Variants in IFT57 observed in about 807,000 individuals in gnomAD.
IFT57 encodes the protein intraflagellar transport 57.
IFT57 carries 59 observed loss-of-function variants against 56.8 expected under a neutral mutation model. The ratio of observed to expected loss-of-function variants is 1.04; its 90% CI spans 0.84 to 1.29. IFT57 has a LOEUF of 1.29. Ranked by LOEUF, IFT57 falls within the 50% of genes most tolerant of loss-of-function variation. IFT57 has a pLI of 0.00. For missense variants in IFT57, 470 were observed against 522.1 expected (o/e 0.90, Z 0.97); for synonymous variants, 209 against 186.1 (o/e 1.12, Z -1.00).
intron 6 of IFT57, among the ~76,000 whole-genome samples, chr3:108,189,056 A>C (rs2080200543): frequency 6.6e-6 from 1 of 152,214 alleles, no homozygotes; most frequent in African/African-American, 2.4e-5. Flanking sequence ...AATTTTATGA[A>C]AAGAATTTGT....
chr3:108,214,062 T>C, intron 3 of IFT57, 41 bp from the exon 4 acceptor site: 1 of 1,229,666 alleles, frequency 8.1e-7, no homozygotes, highest in South Asian at 1.3e-5. Flanking sequence ...AATTTTAATA[T>C]TTAGTAAGAC....
At position 108,222,264 on chromosome 3, in the gene IFT57, G is replaced by A. The variant is rs1378977371; in HGVS notation, c.59C>T (p.Ser20Phe). The change falls in exon 1 of 11, where the codon TCC becomes TTC. Residue 20 changes from serine to phenylalanine, a missense_variant. Physicochemically the swap from Ser to Phe is radical, Grantham distance 155 (BLOSUM62 -2). Coordinates refer to ENST00000264538, the MANE Select transcript of IFT57 (RefSeq NM_018010.4). Reference sequence around the variant, plus strand: ...CACTTCCCCGGTCCCTTCGCCACGGGACCTAGGCACCCCATCTTCCAAACC... The same window carrying A: ...CACTTCCCCGGTCCCTTCGCCACGGAACCTAGGCACCCCATCTTCCAAACC... ...TSGLEDGVPR[S>F]RGEGTGEVVL... The A allele has an allele frequency of 6.2e-7, 1 of 1,613,992 alleles. No homozygotes were observed. Among genetic ancestry groups the A allele is most frequent in the Non-Finnish European group, 8.5e-7 (1 of 1,180,012 alleles).
chr3:108,204,632 G>A (rs1399138917), intron 5 of IFT57, among the ~76,000 whole-genome samples: 1 of 152,172 alleles, frequency 6.6e-6, no homozygotes, highest in Non-Finnish European at 1.5e-5. Flanking sequence ...TCACATTTGA[G>A]GAGCACTCGG....
intron 6 of IFT57, among the ~76,000 whole-genome samples, chr3:108,180,481 AG>A (rs1326184405): frequency 6.6e-6 from 1 of 152,014 alleles, no homozygotes; most frequent in African/African-American, 2.4e-5. Context: ...TGACCCCAAT[AG>A]TACTCCCACC....
chr3:108,210,114 C>A (rs1433445488), intron 4 of IFT57, among the ~76,000 whole-genome samples: 2 of 152,022 alleles, frequency 1.3e-5, no homozygotes, highest in Non-Finnish European at 1.5e-5. Context: ...AGAAGGCACT[C>A]AAAAATTTCC....
At chr3:108,203,656 A>G (rs1377103634) in intron 5 of IFT57, among the ~76,000 whole-genome samples, 1 of 152,232 alleles carries the variant, frequency 6.6e-6, no homozygotes, top group Non-Finnish European at 1.5e-5. Context: ...AATATTATTG[A>G]TTATTGAGCA....
Position 108,219,431 on chromosome 3 carries a change from T to C in IFT57, c.354A>G (p.Ile118Met), listed in dbSNP as rs2080392503. ...YDDPNATISN[I>M]LSELRSFGRT... ...TTACAAATGACCGAAGCTCGGATAGTATGTTAGATATTGTTGCATTAGGGT... is the reference window on the plus strand; with the variant it reads ...TTACAAATGACCGAAGCTCGGATAGCATGTTAGATATTGTTGCATTAGGGT... Residue 118 changes from isoleucine to methionine, a missense_variant, in exon 2 of 11, where the codon ATA becomes ATG. By Grantham distance (10) the Ile-to-Met change is conservative. Coordinates refer to ENST00000264538, the MANE Select transcript of IFT57 (RefSeq NM_018010.4). The C allele has an allele frequency of 6.2e-7, 1 of 1,613,780 alleles. No homozygotes were observed. Among genetic ancestry groups the C allele is most frequent in the Non-Finnish European group, 8.5e-7 (1 of 1,179,712 alleles).
intron 1 of IFT57, among the ~76,000 whole-genome samples, chr3:108,219,965 C>T (rs73850836): frequency 0.014 from 2,146 of 152,286 alleles, 46 homozygotes; most frequent in African/African-American, 0.048. Flanking sequence ...AACGATTACT[C>T]ATTATGCATT....
intron 6 of IFT57, among the ~76,000 whole-genome samples, chr3:108,174,297 T>G (rs1360200654): frequency 2.0e-5 from 3 of 151,514 alleles, no homozygotes; most frequent in African/African-American, 7.3e-5. Flanking sequence ...GAAAAACTAT[T>G]AACATAACTG....
At chr3:108,210,288 A>C (rs1240600849) in intron 4 of IFT57, among the ~76,000 whole-genome samples, 1 of 150,068 alleles carries the variant, frequency 6.7e-6, no homozygotes, top group Non-Finnish European at 1.5e-5. Flanking sequence ...AAAAGTTTCT[A>C]GTTTCTAGAT....
Position 108,219,445 on chromosome 3 carries a change from T to C in IFT57, c.340A>G (p.Thr114Ala). The change falls in exon 2 of 11, where the codon ACA becomes GCA. Residue 114 changes from threonine to alanine, a missense_variant. Thr to Ala is a moderately conservative substitution (Grantham distance 58). Transcript: ENST00000264538. ...QPQEYDDPNA[T>A]ISNILSELRS... ...AGCTCGGATAGTATGTTAGATATTG[T>C]TGCATTAGGGTCATCATATTCTTGA... 2 of 1,613,942 alleles carry C rather than the reference T, an allele frequency of 1.2e-6. No homozygotes were observed. The highest frequency in any genetic ancestry group is 4.5e-5 in the East Asian group (2 of 44,878).
At chr3:108,184,646 T>A (rs1157598455) in intron 6 of IFT57, among the ~76,000 whole-genome samples, 1 of 152,154 alleles carries the variant, frequency 6.6e-6, no homozygotes, top group Non-Finnish European at 1.5e-5. Flanking sequence ...ATCATAAGTG[T>A]ATAAAATTAA....
intron 5 of IFT57, among the ~76,000 whole-genome samples, 158 bp from the exon 6 acceptor site, chr3:108,191,801 A>T (rs1359749619): frequency 6.6e-6 from 1 of 152,238 alleles, no homozygotes; most frequent in Non-Finnish European, 1.5e-5. Flanking sequence ...CAATGTTGAA[A>T]GAAAATAATG....
At chr3:108,165,003 C>T (rs2080053679) in intron 9 of IFT57, among the ~76,000 whole-genome samples, 1 of 151,880 alleles carries the variant, frequency 6.6e-6, no homozygotes, top group African/African-American at 2.4e-5. Flanking sequence ...TAAGCCACTC[C>T]CAATTGTGGA....
intron 1 of IFT57, among the ~76,000 whole-genome samples, chr3:108,220,406 CTAT>C (rs1287474626): frequency 1.3e-5 from 2 of 152,234 alleles, no homozygotes; most frequent in African/African-American, 4.8e-5. Context: ...GTATTTACAA[CTAT>C]TATAACCATT....
At chr3:108,164,709 T>C (rs1250521841) in intron 9 of IFT57, among the ~76,000 whole-genome samples, 1 of 152,122 alleles carries the variant, frequency 6.6e-6, no homozygotes, top group Non-Finnish European at 1.5e-5. Context: ...GATGTTATAT[T>C]TTTAGTGTTT....
intron 4 of IFT57, among the ~76,000 whole-genome samples, chr3:108,211,182 T>G (rs541070111): frequency 6.6e-6 from 1 of 152,354 alleles, no homozygotes; most frequent in African/African-American, 2.4e-5. Context: ...GGTTTGTTTT[T>G]TATTCCTCAG....
At chr3:108,171,951 G>GCATACATA (rs3053369) in intron 6 of IFT57, among the ~76,000 whole-genome samples, 7 of 150,784 alleles carry the variant, frequency 4.6e-5, no homozygotes, top group African/African-American at 9.8e-5. Context: ...TTAGAAAAAT[G>GCATACATA]CATACATACA....
At chr3:108,178,391 CA>C (rs931600568) in intron 6 of IFT57, among the ~76,000 whole-genome samples, 1 of 151,744 alleles carries the variant, frequency 6.6e-6, no homozygotes, top group African/African-American at 2.4e-5. Context: ...TTTCTTAAAA[CA>C]TAAGTATTAG....
Sources: gnomAD v4.1 joint callset for allele counts (sites outside exome capture counted in the v4.1 genomes callset) on GRCh38, gnomAD v4.1.1 for gene constraint, MANE v1.5 for transcripts, NCBI Gene and HGNC (gene_info 2026-07-23, HGNC 2026-07-21) for gene names.